ENOX2: variants seen among roughly 807,000 people sequenced by gnomAD.
The protein encoded by ENOX2 is APK1 antigen.
In ENOX2, 36 loss-of-function variants were observed where a neutral mutation model predicts 45.0. The observed-to-expected ratio is 0.80, with a 90% CI of 0.61 to 1.06. The LOEUF is 1.06. ENOX2 is among the 50% of genes least tolerant of loss of function. ENOX2 has a pLI of 0.00. For missense variants in ENOX2, 423 were observed against 462.5 expected (o/e 0.91, Z 0.78); for synonymous variants, 174 against 152.3 (o/e 1.14, Z -1.05).
intron 2 of ENOX2, among the ~76,000 whole-genome samples, chrX:130,817,672 A>G (rs776403440): frequency 8.9e-6 from 1 of 112,236 alleles, no homozygotes; most frequent in East Asian, 2.8e-4. Context: ...AAAAACCACG[A>G]TTATCTCAAT....
At chrX:130,649,043 CAAAAAAAAAAAA>C (rs35154919) in intron 10 of ENOX2, among the ~76,000 whole-genome samples, 13 of 6,798 alleles carry the variant, frequency 1.9e-3, no homozygotes, top group Admixed American at 2.8e-3. Context: ...GACTCCATAT[CAAAAAAAAAAAA>C]AAAAAAAAAA....
At chrX:130,673,317 C>T (rs2037040070) in intron 6 of ENOX2, among the ~76,000 whole-genome samples, 1 of 110,965 alleles carries the variant, frequency 9.0e-6, no homozygotes, top group Non-Finnish European at 1.9e-5. Flanking sequence ...ATCACACTAG[C>T]TGTCTAGCAA....
At chrX:130,900,714 T>A (rs2079131706) in intron 2 of ENOX2, among the ~76,000 whole-genome samples, 1 of 112,062 alleles carries the variant, frequency 8.9e-6, no homozygotes, top group Non-Finnish European at 1.9e-5. Context: ...TCATGTCACC[T>A]CCTCATGGAA....
chrX:130,901,250 C>G (rs1158183400), intron 2 of ENOX2, among the ~76,000 whole-genome samples: 1 of 112,638 alleles, frequency 8.9e-6, no homozygotes, highest in East Asian at 2.8e-4. Context: ...ACATTGGGAG[C>G]AGCAAACCAT....
At chrX:130,636,428 A>G (rs1569477916) in intron 11 of ENOX2, among the ~76,000 whole-genome samples, 1 of 112,354 alleles carries the variant, frequency 8.9e-6, no homozygotes, top group Non-Finnish European at 1.9e-5. Context: ...GTTAAAAACT[A>G]TTGCACAATT....
chrX:130,846,154 C>T (rs990151562), intron 2 of ENOX2, among the ~76,000 whole-genome samples: 11 of 111,194 alleles, frequency 9.9e-5, no homozygotes, highest in African/African-American at 6.6e-5. Flanking sequence ...CAAGAGACTA[C>T]GGAAGATCAG....
chrX:130,897,681 C>T (rs2148598912), intron 2 of ENOX2, among the ~76,000 whole-genome samples: 1 of 111,753 alleles, frequency 8.9e-6, no homozygotes, highest in South Asian at 3.8e-4. Flanking sequence ...GCCAAAGACC[C>T]CCCAAAAAAG....
chrX:130,661,511 A>G lies in ENOX2; in HGVS notation c.1014+4132T>C, dbSNP rs897546535. Among the ~76,000 whole-genome samples, 8 of 111,847 alleles carry G rather than the reference A, an allele frequency of 7.2e-5. No individual in the cohort carries two copies. In the Admixed American group the frequency reaches 7.6e-4, roughly 11 times the overall value. Reference sequence around the variant, plus strand: ...GCCTAAGACTTTCAACATTAAGAGGAAAATTGGTGGAGAAGAGATCAGACA... The same window carrying G: ...GCCTAAGACTTTCAACATTAAGAGGGAAATTGGTGGAGAAGAGATCAGACA... On this transcript the variant is annotated intron_variant, in intron 9 of 14. Transcript: ENST00000394363.
intron 2 of ENOX2, among the ~76,000 whole-genome samples, chrX:130,864,306 C>T (rs1416234759): frequency 9.0e-6 from 1 of 110,538 alleles, no homozygotes; most frequent in Non-Finnish European, 1.9e-5. Context: ...TGGAGAAGCC[C>T]GTGTGGCAAG....
intron 2 of ENOX2, among the ~76,000 whole-genome samples, chrX:130,807,554 C>T (rs1398144475): frequency 1.8e-5 from 2 of 111,649 alleles, no homozygotes; most frequent in Non-Finnish European, 3.8e-5. Flanking sequence ...GCACTAGACC[C>T]CAGTCTTCTT....
chrX:130,704,998 A>G (rs186876452), intron 3 of ENOX2, among the ~76,000 whole-genome samples: 1 of 112,573 alleles, frequency 8.9e-6, no homozygotes, highest in African/African-American at 3.2e-5. Context: ...GGGATGCTGA[A>G]TATCCTTTGG....
rs140466878 is a variant in ENOX2, at chrX:130,887,020, C to G, written c.-183+14664G>C. ...TAAGGGATCGGGACTACCAGTTTAA[C>G]AGAAAACGCAGATTTTATACAGCAA... On this transcript the variant is annotated intron_variant, in intron 2 of 14. Transcript: ENST00000394363. 7.2e-4 allele frequency among the ~76,000 whole-genome samples: 81 copies of G among 111,856 alleles called. 2 individuals are homozygous for G. The highest frequency in any genetic ancestry group is 2.5e-3 in the African/African-American group (78 of 30,786).
intron 3 of ENOX2, among the ~76,000 whole-genome samples, chrX:130,749,312 G>A (rs2039162112): frequency 9.0e-6 from 1 of 111,690 alleles, no homozygotes; most frequent in Non-Finnish European, 1.9e-5. Context: ...TTGCCTGAGA[G>A]CTATATGAAT....
At chrX:130,869,092 T>A (rs2078532720) in intron 2 of ENOX2, among the ~76,000 whole-genome samples, 1 of 111,559 alleles carries the variant, frequency 9.0e-6, no homozygotes, top group African/African-American at 3.3e-5. Context: ...GTCTGTGACA[T>A]CTAGTAACTA....
Position 130,785,926 on chromosome X carries a change from AT to A in ENOX2, c.-182-2237del, listed in dbSNP as rs754739953. 4.6e-3 allele frequency among the ~76,000 whole-genome samples: 520 copies of A among 112,701 alleles called. 1 individual carries two copies. The highest frequency in any genetic ancestry group is 9.7e-3 in the African/African-American group (301 of 31,065). ...GGTCTCTCTTAGTCTTGGTTTCATA[AT>A]GTGTAAAAGAGAGTGATAACACACC... On this transcript the variant is annotated intron_variant, in intron 2 of 14. Coordinates refer to ENST00000394363, the MANE Select transcript of ENOX2 (RefSeq NM_006375.4).
intron 12 of ENOX2, among the ~76,000 whole-genome samples, chrX:130,633,663 A>G (rs868769570): frequency 8.9e-6 from 1 of 112,325 alleles, no homozygotes; most frequent in Non-Finnish European, 1.9e-5. Context: ...TACTTACACA[A>G]AAAAATGTCC....
intron 3 of ENOX2, among the ~76,000 whole-genome samples, chrX:130,748,524 T>C (rs2039145010): frequency 8.9e-6 from 1 of 112,120 alleles, no homozygotes; most frequent in African/African-American, 3.2e-5. Flanking sequence ...ACTAGACTAT[T>C]ACAAAGTTGA....
intron 2 of ENOX2, among the ~76,000 whole-genome samples, chrX:130,796,501 T>C (rs934230440): frequency 4.5e-5 from 5 of 112,162 alleles, no homozygotes; most frequent in Non-Finnish European, 9.4e-5. Context: ...ACAAAGCTTG[T>C]CAAAAGATAT....
intron 3 of ENOX2, among the ~76,000 whole-genome samples, chrX:130,751,305 C>T (rs949370095): frequency 8.9e-6 from 1 of 112,123 alleles, no homozygotes; most frequent in African/African-American, 3.2e-5. Context: ...CAACATGTGA[C>T]ATTATGTGTC....
Sources: allele counts gnomAD v4.1 joint callset (sites outside exome capture counted in the v4.1 genomes callset), GRCh38; gene constraint gnomAD v4.1.1; transcripts MANE v1.5; gene names NCBI Gene and HGNC (gene_info 2026-07-23, HGNC 2026-07-21).